Variants in MIR2052HG observed in about 807,000 individuals in gnomAD.
MIR2052HG encodes the protein MIR2052 host gene.
At chr8:74,600,855 T>C (rs1041330512) in intron 1 of MIR2052HG, among the ~76,000 whole-genome samples, 1 of 152,140 alleles carries the variant, frequency 6.6e-6, no homozygotes, top group African/African-American at 2.4e-5. Flanking sequence ...ATTACAGGCG[T>C]GAGCCACCGC....
At chr8:74,688,479 T>C (rs924545941) in intron 2 of MIR2052HG, among the ~76,000 whole-genome samples, 15 of 150,218 alleles carry the variant, frequency 1.0e-4, no homozygotes, top group Non-Finnish European at 1.5e-4. Context: ...GAGCTATACA[T>C]GGATATTAAA....
At chr8:74,646,014 C>T (rs1042364266) in intron 2 of MIR2052HG, among the ~76,000 whole-genome samples, 1 of 152,128 alleles carries the variant, frequency 6.6e-6, no homozygotes, top group African/African-American at 2.4e-5. Flanking sequence ...ATTTAATGAG[C>T]ACCTACTTAT....
At chr8:74,704,769 A>G (rs1809392879) in intron 4 of MIR2052HG, among the ~76,000 whole-genome samples, 1 of 152,092 alleles carries the variant, frequency 6.6e-6, no homozygotes, top group African/African-American at 2.4e-5. Flanking sequence ...TTTTGACTTG[A>G]TAAACATTTC....
At position 74,654,236 on chromosome 8, in the gene MIR2052HG, C is replaced by T. The variant is rs116062773; in HGVS notation, n.216+41296C>T. Among the ~76,000 whole-genome samples, 423 of 152,176 alleles carry T rather than the reference C, an allele frequency of 2.8e-3. 2 individuals are homozygous for T. The highest frequency in any genetic ancestry group is 9.5e-3 in the African/African-American group (395 of 41,518). On this transcript the variant is annotated intron_variant and non_coding_transcript_variant, in intron 2 of 6. Coordinates refer to ENST00000523442, the Ensembl canonical transcript of MIR2052HG. ...CATGTGCCCCTCAGTTTTGAGGTCT[C>T]AGTGGGCTGGCATTCTGTTCTTCTT...
At chr8:74,713,825 C>A (rs1490361774) in intron 4 of MIR2052HG, among the ~76,000 whole-genome samples, 1 of 152,060 alleles carries the variant, frequency 6.6e-6, no homozygotes, top group East Asian at 1.9e-4. Flanking sequence ...TATATGAACA[C>A]ACTTTCAGAA....
rs1369113564 is a variant in MIR2052HG, at chr8:74,615,452, G to T, written n.216+2512G>T. Among the ~76,000 whole-genome samples, 5 of 152,156 alleles carry T rather than the reference G, an allele frequency of 3.3e-5. No individual in the cohort carries two copies. In the East Asian group the frequency reaches 9.6e-4, roughly 29 times the overall value. ...TGGCAGAAGGTGGGTACAGAATCCA[G>T]CCATGTTCCTTTTAGTCCAGTGTTC... On this transcript the variant is annotated intron_variant and non_coding_transcript_variant, in intron 2 of 6. Coordinates refer to ENST00000523442, the Ensembl canonical transcript of MIR2052HG.
At chr8:74,651,851 C>G (rs1563523295) in intron 2 of MIR2052HG, among the ~76,000 whole-genome samples, 1 of 152,148 alleles carries the variant, frequency 6.6e-6, no homozygotes, top group Non-Finnish European at 1.5e-5. Context: ...TATGTGAAAT[C>G]AAAGTGTGGA....
chr8:74,652,274 T>A (rs1013138187), intron 2 of MIR2052HG, among the ~76,000 whole-genome samples: 1 of 152,212 alleles, frequency 6.6e-6, no homozygotes, highest in Admixed American at 6.5e-5. Flanking sequence ...TGTGGCCATA[T>A]GACTTACTCT....
intron 1 of MIR2052HG, among the ~76,000 whole-genome samples, chr8:74,608,428 A>T (rs1374071073): frequency 6.6e-6 from 1 of 152,218 alleles, no homozygotes; most frequent in African/African-American, 2.4e-5. Context: ...AACATCTATA[A>T]GAATATTGAA....
intron 4 of MIR2052HG, among the ~76,000 whole-genome samples, chr8:74,718,157 A>G (rs189693338): frequency 6.6e-6 from 1 of 152,336 alleles, no homozygotes; most frequent in African/African-American, 2.4e-5. Context: ...GAGACATTTA[A>G]CTTTAAAACT....
chr8:74,722,125 C>T (rs1809583809), intron 4 of MIR2052HG, among the ~76,000 whole-genome samples: 2 of 152,182 alleles, frequency 1.3e-5, no homozygotes, highest in South Asian at 2.1e-4. Context: ...TGCAGTGAGC[C>T]ATGATCATGC....
intron 2 of MIR2052HG, among the ~76,000 whole-genome samples, chr8:74,631,117 G>T (rs187924139): frequency 9.2e-5 from 14 of 152,300 alleles, no homozygotes; most frequent in Middle Eastern, 3.4e-3. Context: ...TGAGGATAGA[G>T]CAATTATCAT....
At chr8:74,668,304 A>G (rs1163536101) in intron 2 of MIR2052HG, among the ~76,000 whole-genome samples, 1 of 152,120 alleles carries the variant, frequency 6.6e-6, no homozygotes, top group Non-Finnish European at 1.5e-5. Flanking sequence ...TGCCAAGAAG[A>G]ACAAGCAGAT....
chr8:74,742,896 G>A (rs1809845812), intron 4 of MIR2052HG, among the ~76,000 whole-genome samples: 2 of 152,156 alleles, frequency 1.3e-5, no homozygotes, highest in African/African-American at 4.8e-5. Flanking sequence ...GAGCTACAAT[G>A]AAGCCTATGT....
intron 1 of MIR2052HG, among the ~76,000 whole-genome samples, chr8:74,607,739 C>T (rs1251069961): frequency 6.6e-6 from 1 of 152,204 alleles, no homozygotes; most frequent in Non-Finnish European, 1.5e-5. Context: ...CAGGTTTAGT[C>T]ACTCACTGCT....
chr8:74,751,795 A>G (rs764518017), intron 4 of MIR2052HG, among the ~76,000 whole-genome samples: 13 of 152,260 alleles, frequency 8.5e-5, no homozygotes, highest in Non-Finnish European at 1.9e-4. Flanking sequence ...ACACAGGCCC[A>G]TAATTGAGAA....
At chr8:74,674,428 C>T (rs917499309) in intron 2 of MIR2052HG, among the ~76,000 whole-genome samples, 2 of 151,410 alleles carry the variant, frequency 1.3e-5, no homozygotes, top group African/African-American at 2.4e-5. Context: ...AGCTAGAGCA[C>T]CATAATTATA....
At position 74,614,788 on chromosome 8, in the gene MIR2052HG, T is replaced by C. The variant is rs79482632; in HGVS notation, n.216+1848T>C. On this transcript the variant is annotated intron_variant and non_coding_transcript_variant, in intron 2 of 6. Transcript: ENST00000523442. ...TTCAGACCAACTTTTTGCTCTGATA[T>C]AGGGTGGATGAATATTTTTGACACT... 4.9e-3 allele frequency among the ~76,000 whole-genome samples: 752 copies of C among 152,222 alleles called. 10 individuals are homozygous for C. Among genetic ancestry groups the C allele is most frequent in the African/African-American group, 0.017 (701 of 41,554 alleles).
At chr8:74,744,328 T>C (rs1250104062) in intron 4 of MIR2052HG, among the ~76,000 whole-genome samples, 1 of 151,936 alleles carries the variant, frequency 6.6e-6, no homozygotes, top group African/African-American at 2.4e-5. Context: ...TATTTATTTA[T>C]TTATTTATTA....
Sources: gnomAD v4.1 joint callset for allele counts (sites outside exome capture counted in the v4.1 genomes callset) on GRCh38, gnomAD v4.1.1 for gene constraint, MANE v1.5 for transcripts, NCBI Gene and HGNC (gene_info 2026-07-23, HGNC 2026-07-21) for gene names.